Variants in CLN3 observed in about 807,000 individuals in gnomAD.
CLN3 encodes the protein battenin.
Under a neutral mutation model 60.7 loss-of-function variants are expected in CLN3, and 49 were observed. The observed-to-expected ratio is 0.81, with a 90% CI of 0.64 to 1.02. CLN3 has a LOEUF of 1.02. Among genes scored for constraint, CLN3 ranks in the 50% least tolerant of loss-of-function variants. The probability of loss-of-function intolerance (pLI) is 0.00; values close to 1 mark genes in which losing one functional copy is unlikely to be tolerated. For synonymous variants in CLN3, 256 were observed against 245.8 expected, an observed-to-expected ratio of 1.04 and a Z score of -0.39; for missense variants, 516 against 557.4, an observed-to-expected ratio of 0.93 and a Z score of 0.75.
downstream of CLN3, among the ~76,000 whole-genome samples, chr16:28,472,940 CTTTG>C (rs567950319): frequency 0.011 from 1,652 of 150,602 alleles, 25 homozygotes; most frequent in African/African-American, 0.036. Flanking sequence ...CCCCGCCCCT[CTTTG>C]TTTGTTTTTT....
downstream of CLN3, among the ~76,000 whole-genome samples, chr16:28,474,964 G>T (rs2045979582): frequency 6.6e-6 from 1 of 152,106 alleles, no homozygotes; most frequent in Non-Finnish European, 1.5e-5. Context: ...AATTAGCCAG[G>T]CAGGGCCAGG....
At chr16:28,485,703 AAAAG>A (rs998290321) in intron 9 of CLN3, among the ~76,000 whole-genome samples, 31 of 150,534 alleles carry the variant, frequency 2.1e-4, no homozygotes, top group African/African-American at 7.0e-4. Flanking sequence ...AAAAAAAAAA[AAAAG>A]GAACTAATCA....
chr16:28,488,012 T>C (rs1567262001), intron 5 of CLN3: 6 of 438,600 alleles, frequency 1.4e-5, no homozygotes, highest in East Asian at 4.8e-5. Context: ...TGAGCTAATA[T>C]ATGGTGCAGA....
chr16:28,477,526 T>C lies in CLN3; in HGVS notation c.1307A>G (p.Gln436Arg). 1 of 1,613,436 alleles carries C rather than the reference T, an allele frequency of 6.2e-7. No individual in the cohort carries two copies. ...TGAGGATCCCGAGTATCAGGAGAGCTGGCAGAGGAAGTCATGCAGAGGCAA... is the reference window on the plus strand; with the variant it reads ...TGAGGATCCCGAGTATCAGGAGAGCCGGCAGAGGAAGTCATGCAGAGGCAA... ...LALPLHDFLCQLS is the reference protein window; with the variant it reads ...LALPLHDFLCRLS The change falls in exon 16 of 16, where the codon CAG (glutamine) becomes CGG (arginine). Residue 436 changes from glutamine to arginine, a missense_variant. Coordinates refer to ENST00000636147, the MANE Select transcript of CLN3 (RefSeq NM_001042432.2).
Position 28,482,633 on chromosome 16 carries a change from ACT to A in CLN3, c.828_829del (p.Phe278GlnfsTer21), listed in dbSNP as rs755465037. The A allele has an allele frequency of 6.2e-7, 1 of 1,614,174 alleles. No individual in the cohort carries two copies. The highest frequency in any genetic ancestry group is 8.5e-7 in the Non-Finnish European group (1 of 1,180,024). On this transcript the variant is annotated frameshift_variant, in exon 11 of 16. Transcript: ENST00000636147. LOFTEE classifies it high-confidence loss of function. ...CCCAGCCATCATCCGAACCTTGAAC[ACT>A]GTCCACCTTTCCCGAAGGGAGAGGC...
intron 14 of CLN3, among the ~76,000 whole-genome samples, chr16:28,480,367 C>T (rs1282420087): frequency 1.3e-5 from 2 of 150,938 alleles, no homozygotes; most frequent in Non-Finnish European, 3.0e-5. Flanking sequence ...AGTATAATCT[C>T]TATTTCTGTA....
downstream of CLN3, among the ~76,000 whole-genome samples, chr16:28,474,923 C>A (rs1278762972): frequency 6.6e-6 from 1 of 152,038 alleles, no homozygotes; most frequent in African/African-American, 2.4e-5. Context: ...AGCAACAAAG[C>A]AAGACCTCGT....
intron 14 of CLN3, among the ~76,000 whole-genome samples, chr16:28,478,508 C>G (rs559419832): frequency 1.3e-5 from 2 of 148,256 alleles, no homozygotes; most frequent in Non-Finnish European, 3.0e-5. Flanking sequence ...CCCAGCTACT[C>G]GGGAGTCTGA....
intron 9 of CLN3, among the ~76,000 whole-genome samples, chr16:28,486,100 C>T (rs776086723): frequency 5.3e-5 from 8 of 151,804 alleles, no homozygotes; most frequent in Non-Finnish European, 8.8e-5. Flanking sequence ...GGGGTTCAAG[C>T]GATTCTCCTG....
intron 14 of CLN3, among the ~76,000 whole-genome samples, chr16:28,479,099 G>A (rs2046045706): frequency 6.6e-6 from 1 of 152,134 alleles, no homozygotes; most frequent in Non-Finnish European, 1.5e-5. Context: ...GTCTCTCAAG[G>A]AGGTGCCATC....
At chr16:28,473,564 A>G (rs1012711718), downstream of CLN3, among the ~76,000 whole-genome samples, 8 of 152,332 alleles carry the variant, frequency 5.3e-5, no homozygotes, top group African/African-American at 1.9e-4. Flanking sequence ...ACAAGCAACC[A>G]AACAAAAAAT....
At position 28,489,320 on chromosome 16, in the gene CLN3, G is replaced by A; in HGVS notation, c.192C>T (p.Ser64=). The A allele has an allele frequency of 6.2e-7, 1 of 1,613,494 alleles. No individual in the cohort carries two copies. Among genetic ancestry groups the A allele is most frequent in the Non-Finnish European group, 8.5e-7 (1 of 1,179,780 alleles). Residue 64 remains serine (S), a synonymous_variant, in exon 4 of 16, where the codon AGC becomes AGT. Coordinates refer to ENST00000636147, the MANE Select transcript of CLN3 (RefSeq NM_001042432.2). ...TCTGGTTTCCCGATGTCCTCTTGTGGCTAAGGATGTCGTGGGCGGCACTCA... is the reference window on the plus strand; with the variant it reads ...TCTGGTTTCCCGATGTCCTCTTGTGACTAAGGATGTCGTGGGCGGCACTCA... ...VMLSAAHDIL[S]HKRTSGNQSH... is the part of the protein sequence containing the mutation.
chr16:28,484,523 C>A, intron 9 of CLN3: 1 of 236,802 alleles, frequency 4.2e-6, no homozygotes, highest in South Asian at 5.4e-5. Flanking sequence ...TCATATTTTC[C>A]ATTTTTTGTA....
At position 28,486,274 on chromosome 16, in the gene CLN3, G is replaced by T. The variant is rs1245851279; in HGVS notation, c.677+73C>A. The T allele has an allele frequency of 5.7e-6, 9 of 1,591,724 alleles. No homozygotes were observed. The South Asian group carries it at 8.9e-5, about 16-fold the overall frequency. ...CCCAAAGTGCTGGGATTACAGGCGT[G>T]AGCCACCACACCCAGCCATGGCCAA... On this transcript the variant is annotated intron_variant, in intron 9 of 15. Coordinates refer to ENST00000636147, the MANE Select transcript of CLN3 (RefSeq NM_001042432.2).
rs1452490578 is a variant in CLN3 at position 28,491,480 on chromosome 16, A to T, written c.125+2T>A. On this transcript the variant is annotated splice_donor_variant, in intron 3 of 15. Coordinates refer to ENST00000636147, the MANE Select transcript of CLN3 (RefSeq NM_001042432.2). LOFTEE classifies it high-confidence loss of function. ...CACTCGCTGAAGTCTCAGGCCACTCACCAGAAGCCCACCGCGTTCTTCCAA... is the reference window on the plus strand; with the variant it reads ...CACTCGCTGAAGTCTCAGGCCACTCTCCAGAAGCCCACCGCGTTCTTCCAA... The T allele has an allele frequency of 6.2e-7, 1 of 1,613,166 alleles. No individual in the cohort carries two copies. Among genetic ancestry groups the T allele is most frequent in the East Asian group, 2.2e-5 (1 of 44,872 alleles).
At chr16:28,472,932 C>G (rs2045963767), downstream of CLN3, among the ~76,000 whole-genome samples, 1 of 149,044 alleles carries the variant, frequency 6.7e-6, no homozygotes, top group Admixed American at 6.6e-5. Context: ...CCACTGCACC[C>G]CGCCCCTCTT....
In CLN3 at chr16:28,491,694, G is replaced by T; in HGVS notation, c.46+20C>A. 6.2e-7 allele frequency: 1 copy of T among 1,614,154 alleles called. No homozygotes were observed. The highest frequency in any genetic ancestry group is 8.5e-7 in the Non-Finnish European group (1 of 1,180,036). On this transcript the variant is annotated intron_variant, in intron 2 of 15. Coordinates refer to ENST00000636147, the MANE Select transcript of CLN3 (RefSeq NM_001042432.2). Reference sequence around the variant, plus strand: ...CGAGCCAGAGGTGGTCGTTCCATGAGGGTGGGCGGGAATACTCACCCTCGG... The same window carrying T: ...CGAGCCAGAGGTGGTCGTTCCATGATGGTGGGCGGGAATACTCACCCTCGG...
At chr16:28,473,238 G>C (rs1249434432), downstream of CLN3, among the ~76,000 whole-genome samples, 1 of 152,138 alleles carries the variant, frequency 6.6e-6, no homozygotes, top group Non-Finnish European at 1.5e-5. Context: ...CCAAGTAGCT[G>C]GGACTACAGG....
At chr16:28,487,851 G>T in intron 5 of CLN3, 110 bp from the exon 6 acceptor site, 1 of 834,310 alleles carries the variant, frequency 1.2e-6, no homozygotes, top group Non-Finnish European at 2.0e-6. Context: ...ACAAACACAG[G>T]CTCTGGAGTC....
Sources: allele counts gnomAD v4.1 joint callset (sites outside exome capture counted in the v4.1 genomes callset), GRCh38; gene constraint gnomAD v4.1.1; transcripts MANE v1.5; gene names NCBI Gene and HGNC (gene_info 2026-07-23, HGNC 2026-07-21).